UBE2K: variants seen among roughly 807,000 people sequenced by gnomAD.
The protein encoded by UBE2K is ubiquitin-conjugating enzyme E2 K.
UBE2K carries 6 observed loss-of-function variants against 30.0 expected under a neutral mutation model. The ratio of observed to expected loss-of-function variants is 0.20; its 90% CI spans 0.11 to 0.39. The LOEUF is 0.39. Ranked by LOEUF, UBE2K falls within the 10% of genes least tolerant of loss-of-function variation. UBE2K has a pLI of 1.00. For synonymous variants in UBE2K, 86 were observed against 83.7 expected, an observed-to-expected ratio of 1.03 and a Z score of -0.15; for missense variants, 61 against 241.6, an observed-to-expected ratio of 0.25 and a Z score of 4.96.
intron 4 of UBE2K, among the ~76,000 whole-genome samples, chr4:39,761,980 C>G (rs576348565): frequency 5.5e-4 from 84 of 151,608 alleles, no homozygotes; most frequent in African/African-American, 1.9e-3. Flanking sequence ...TCAAGACCAG[C>G]CTGGGCAAGA....
chr4:39,764,129 A>T (rs895840752), intron 4 of UBE2K, among the ~76,000 whole-genome samples: 1 of 152,302 alleles, frequency 6.6e-6, no homozygotes, highest in Non-Finnish European at 1.5e-5. Flanking sequence ...CCAAGGCAGG[A>T]GGATTGCTTG....
intron 4 of UBE2K, among the ~76,000 whole-genome samples, chr4:39,760,205 A>C (rs1240500183): frequency 2.6e-5 from 4 of 151,440 alleles, no homozygotes; most frequent in Non-Finnish European, 5.9e-5. Flanking sequence ...GAAAAAAAAA[A>C]AAAAACAAAT....
intron 1 of UBE2K, among the ~76,000 whole-genome samples, chr4:39,723,167 C>T (rs1176028758): frequency 1.3e-5 from 2 of 151,750 alleles, no homozygotes; most frequent in Non-Finnish European, 2.9e-5. Flanking sequence ...CCTCAGCCTC[C>T]TGAGTAGCTG....
chr4:39,717,655 T>C (rs1719158465), intron 1 of UBE2K, among the ~76,000 whole-genome samples: 1 of 152,234 alleles, frequency 6.6e-6, no homozygotes, highest in Non-Finnish European at 1.5e-5. Flanking sequence ...ACCTTTATAC[T>C]GTTGTTCTTG....
chr4:39,702,628 G>A (rs1186215403), intron 1 of UBE2K, among the ~76,000 whole-genome samples: 1 of 152,008 alleles, frequency 6.6e-6, no homozygotes, highest in Non-Finnish European at 1.5e-5. Flanking sequence ...TTACTATATA[G>A]TACATTAAGT....
chr4:39,751,210 T>C (rs1219140380), intron 3 of UBE2K, among the ~76,000 whole-genome samples: 1 of 152,098 alleles, frequency 6.6e-6, no homozygotes, highest in Non-Finnish European at 1.5e-5. Flanking sequence ...CCCAAACTGC[T>C]AGGATTATAG....
intron 3 of UBE2K, among the ~76,000 whole-genome samples, chr4:39,751,935 C>G (rs948612175): frequency 1.3e-5 from 2 of 152,048 alleles, no homozygotes; most frequent in African/African-American, 4.8e-5. Context: ...CCACCGCACT[C>G]CAGCCCAGGC....
chr4:39,717,526 G>A (rs1719149115), intron 1 of UBE2K, among the ~76,000 whole-genome samples: 2 of 152,230 alleles, frequency 1.3e-5, no homozygotes, highest in South Asian at 2.1e-4. Flanking sequence ...ACCACGCCCA[G>A]CCTCTCCCAG....
intron 1 of UBE2K, among the ~76,000 whole-genome samples, chr4:39,732,341 G>T (rs1377475474): frequency 6.6e-6 from 1 of 152,128 alleles, no homozygotes; most frequent in Non-Finnish European, 1.5e-5. Flanking sequence ...ATCTTCCAGT[G>T]TTTAGTTTTT....
intron 4 of UBE2K, 95 bp from the exon 5 acceptor site, chr4:39,774,739 T>C (rs925643062): frequency 1.1e-5 from 6 of 559,814 alleles, no homozygotes; most frequent in Admixed American, 4.0e-5. Flanking sequence ...TAAGTAACTT[T>C]TAGCTCTACA....
intron 4 of UBE2K, chr4:39,771,101 C>T: frequency 2.5e-6 from 4 of 1,612,656 alleles, no homozygotes; most frequent in Admixed American, 1.7e-5. Flanking sequence ...ACCACGTGCT[C>T]CATCTGCAGG....
At chr4:39,745,948 AT>A in intron 3 of UBE2K, 138 bp downstream of exon 3, 1 of 604,376 alleles carries the variant, frequency 1.7e-6, no homozygotes, top group East Asian at 3.4e-5. Context: ...TGTGGACAGG[AT>A]TTTAGATAAT....
rs3839130 is a variant in UBE2K, at chr4:39,779,042, A to AC, written c.*616dup. On this transcript the variant is annotated 3_prime_UTR_variant, in exon 7 of 7. Transcript: ENST00000261427. Reference sequence around the variant, plus strand: ...TGGGACAGTGTCTGATTCCCCCTTCACCCCCCCCACCCCCGCCTTGCCACA... The same window carrying AC: ...TGGGACAGTGTCTGATTCCCCCTTCACCCCCCCCCACCCCCGCCTTGCCACA... 0.62 allele frequency: 79,602 copies of AC among 128,270 alleles called. 23,332 individuals are homozygous for AC. Among genetic ancestry groups the AC allele is most frequent in the East Asian group, 0.86 (3,830 of 4,464 alleles). 7.9% of individuals were successfully genotyped at this position (128,270 alleles called of 1,614,324 possible).
intron 2 of UBE2K, among the ~76,000 whole-genome samples, chr4:39,740,335 AT>A (rs998138556): frequency 1.3e-5 from 2 of 152,046 alleles, no homozygotes; most frequent in African/African-American, 2.4e-5. Context: ...AGGTAGATTA[AT>A]TTTTTTAATT....
At chr4:39,729,669 C>G (rs1719965001) in intron 1 of UBE2K, among the ~76,000 whole-genome samples, 1 of 152,268 alleles carries the variant, frequency 6.6e-6, no homozygotes, top group East Asian at 1.9e-4. Flanking sequence ...AGACCCAGAT[C>G]TGATTGTTAC....
At chr4:39,732,483 A>G (rs562647390) in intron 1 of UBE2K, among the ~76,000 whole-genome samples, 1 of 152,144 alleles carries the variant, frequency 6.6e-6, no homozygotes, top group Admixed American at 6.6e-5. Context: ...TGACAATATC[A>G]TTTCACTGAG....
intron 1 of UBE2K, among the ~76,000 whole-genome samples, chr4:39,704,869 C>CT (rs35972302): frequency 0.013 from 1,537 of 121,312 alleles, 47 homozygotes; most frequent in African/African-American, 0.038. Context: ...GACTATACAC[C>CT]TTTTTTTTTT....
At chr4:39,712,303 G>A (rs1718745326) in intron 1 of UBE2K, among the ~76,000 whole-genome samples, 1 of 138,784 alleles carries the variant, frequency 7.2e-6, no homozygotes, top group African/African-American at 2.7e-5. Flanking sequence ...CTGGGTTCAT[G>A]CCATTCTCCT....
chr4:39,704,721 T>C (rs116348485), intron 1 of UBE2K, among the ~76,000 whole-genome samples: 1 of 151,966 alleles, frequency 6.6e-6, no homozygotes, highest in South Asian at 2.1e-4. Context: ...ATGTAATTTT[T>C]TGTAGAGACG....
Sources: gnomAD v4.1 joint callset for allele counts (sites outside exome capture counted in the v4.1 genomes callset) on GRCh38, gnomAD v4.1.1 for gene constraint, MANE v1.5 for transcripts, NCBI Gene and HGNC (gene_info 2026-07-23, HGNC 2026-07-21) for gene names.